Variants in BMP8B observed in about 807,000 individuals in gnomAD.
The protein encoded by BMP8B is bone morphogenetic protein 8b.
A neutral mutation model predicts 30.3 loss-of-function variants in BMP8B; 17 were observed. The observed-to-expected ratio is 0.56, with a 90% CI of 0.38 to 0.84. The LOEUF is 0.84. BMP8B is among the 40% of genes least tolerant of loss of function. The pLI, the probability that BMP8B is intolerant of heterozygous loss-of-function variation, is 0.00. For synonymous variants in BMP8B, 131 were observed against 214.7 expected (o/e 0.61, Z 3.41); for missense variants, 253 against 494.6 (o/e 0.51, Z 4.63).
In BMP8B at chr1:39,767,016, G is replaced by A. The variant is rs930330488; in HGVS notation, c.674-2199C>T. Among the ~76,000 whole-genome samples the A allele has an allele frequency of 2.0e-5, 3 of 152,278 alleles. No individual in the cohort carries two copies. The South Asian group carries it at 6.2e-4, about 31-fold the overall frequency. ...TCCCTGGGGAGCCCTGCCTGCCATG[G>A]GGCCTGAGAGGCCATCAGTCCTGCA... On this transcript the variant is annotated intron_variant, in intron 3 of 6. Transcript: ENST00000372827.
Position 39,771,303 on chromosome 1 carries a change from C to T in BMP8B, c.673+3005G>A, listed in dbSNP as rs778586931. 6.3e-6 allele frequency: 9 copies of T among 1,427,732 alleles called. No individual in the cohort carries two copies. In the South Asian group the frequency reaches 1.2e-4, roughly 19 times the overall value. 88.4% of individuals were successfully genotyped at this position (1,427,732 alleles called of 1,614,324 possible). A position where few individuals can be genotyped will look rare whatever the true frequency, so the allele number is the denominator to read the frequency against. ...GGACAGGTGGTGTGAGCCCTGCGTGCGCCTCGGGCCGCGCGTCACAGAGCA... is the reference window on the plus strand; with the variant it reads ...GGACAGGTGGTGTGAGCCCTGCGTGTGCCTCGGGCCGCGCGTCACAGAGCA... On this transcript the variant is annotated intron_variant, in intron 3 of 6. Coordinates refer to ENST00000372827, the MANE Select transcript of BMP8B (RefSeq NM_001720.5).
At chr1:39,762,517 G>A (rs1251512376) in intron 6 of BMP8B, 1 of 1,549,822 alleles carries the variant, frequency 6.5e-7, no homozygotes, top group South Asian at 1.2e-5. Flanking sequence ...GTCCTTTAAG[G>A]TTGCCCCAGA....
At chr1:39,778,996 A>C (rs767859624) in intron 1 of BMP8B, among the ~76,000 whole-genome samples, 3 of 152,168 alleles carry the variant, frequency 2.0e-5, no homozygotes, top group Non-Finnish European at 4.4e-5. Context: ...GAGGCCAAGG[A>C]GGGACAGAGG....
chr1:39,779,779 G>A (rs1354219899), intron 1 of BMP8B, among the ~76,000 whole-genome samples: 1 of 152,222 alleles, frequency 6.6e-6, no homozygotes, highest in Non-Finnish European at 1.5e-5. Context: ...TTCTGTTCAT[G>A]CTAACCTGAC....
chr1:39,776,079 G>A (rs1293096228), intron 1 of BMP8B, among the ~76,000 whole-genome samples: 1 of 152,298 alleles, frequency 6.6e-6, no homozygotes, highest in African/African-American at 2.4e-5. Context: ...TGCGCCTCTG[G>A]CCAGTGGGAA....
At chr1:39,768,395 C>A (rs1203548168) in intron 3 of BMP8B, among the ~76,000 whole-genome samples, 52 of 134,686 alleles carry the variant, frequency 3.9e-4, no homozygotes, top group African/African-American at 1.5e-3. Flanking sequence ...CTCAGTCTCT[C>A]CCATCACCCG....
At chr1:39,775,811 A>T (rs200033287) in intron 1 of BMP8B, among the ~76,000 whole-genome samples, 1 of 148,498 alleles carries the variant, frequency 6.7e-6, no homozygotes, top group South Asian at 2.1e-4. Flanking sequence ...GACAACTCCC[A>T]GAGAGGCCAG....
Position 39,757,283 on chromosome 1 carries a change from T to C in BMP8B, c.*3136A>G, listed in dbSNP as rs1648383538. The C allele has an allele frequency of 6.6e-6, 1 of 152,262 alleles. No individual in the cohort carries two copies. The highest frequency in any genetic ancestry group is 1.5e-5 in the Non-Finnish European group (1 of 68,042). The allele number at this position is 152,262 out of a possible 1,614,324, so 9.4% of individuals were successfully genotyped here. On this transcript the variant is annotated 3_prime_UTR_variant, in exon 7 of 7. Transcript: ENST00000372827. ...GCAAATACCTATTGTTAAGCATTTA[T>C]ATGTCAGACATCCCAAAGATTTGTG...
intron 1 of BMP8B, among the ~76,000 whole-genome samples, chr1:39,775,953 G>A (rs1447116080): frequency 5.9e-5 from 9 of 152,300 alleles, no homozygotes; most frequent in Admixed American, 3.3e-4. Context: ...CTAGGGAGAG[G>A]GGACCTCGCA....
chr1:39,763,426 G>A (rs1445216333), intron 5 of BMP8B, among the ~76,000 whole-genome samples: 6 of 107,086 alleles, frequency 5.6e-5, no homozygotes, highest in Non-Finnish European at 1.4e-4. Flanking sequence ...GCCTCCCAGA[G>A]CTGCAGTCGT....
chr1:39,762,353 G>C, intron 6 of BMP8B: 1 of 913,220 alleles, frequency 1.1e-6, no homozygotes, highest in Non-Finnish European at 1.6e-6. Context: ...CATCACCGTT[G>C]AACCTCCTAA....
chr1:39,763,539 C>CAAA, intron 5 of BMP8B, 173 bp downstream of exon 5: 1 of 935,702 alleles, frequency 1.1e-6, no homozygotes, highest in East Asian at 3.3e-5. Flanking sequence ...AAAAACTGAA[C>CAAA]AAAAAAAAAA....
At chr1:39,762,951 A>T (rs756817561) in intron 6 of BMP8B, 141 bp downstream of exon 6, 220 of 1,069,552 alleles carry the variant, frequency 2.1e-4, no homozygotes, top group Non-Finnish European at 2.2e-4. Flanking sequence ...GTGGGAAGTT[A>T]GCGACGTTAC....
chr1:39,763,574 T>C, intron 5 of BMP8B, 138 bp downstream of exon 5: 3 of 1,308,630 alleles, frequency 2.3e-6, no homozygotes, highest in Non-Finnish European at 3.1e-6. Flanking sequence ...ATTCTCACTT[T>C]AGAAAACTTG....
chr1:39,787,448 G>A (rs1231021952), intron 1 of BMP8B, among the ~76,000 whole-genome samples: 1 of 152,200 alleles, frequency 6.6e-6, no homozygotes, highest in East Asian at 1.9e-4. Context: ...AATAGCTCCA[G>A]GGTTTGATAC....
intron 6 of BMP8B, among the ~76,000 whole-genome samples, chr1:39,760,951 T>A (rs1257175275): frequency 6.6e-6 from 1 of 152,038 alleles, no homozygotes; most frequent in Non-Finnish European, 1.5e-5. Context: ...ACTTTCTTCT[T>A]TTGGCCCTTC....
chr1:39,760,052 G>A lies in BMP8B; in HGVS notation c.*367C>T, dbSNP rs1033047828. ...AACAGTGGGCTCCAGGTGCCTCTCA[G>A]GTCATTCCACATCTATCTCACGACC... On this transcript the variant is annotated 3_prime_UTR_variant, in exon 7 of 7. Coordinates refer to ENST00000372827, the MANE Select transcript of BMP8B (RefSeq NM_001720.5). 1.1e-5 allele frequency: 3 copies of A among 271,306 alleles called. No individual in the cohort carries two copies. The highest frequency in any genetic ancestry group is 6.6e-5 in the African/African-American group (3 of 45,684). 16.8% of individuals were successfully genotyped at this position (271,306 alleles called of 1,614,324 possible).
intron 5 of BMP8B, among the ~76,000 whole-genome samples, 193 bp downstream of exon 5, chr1:39,763,519 A>T (rs1247426234): frequency 2.1e-5 from 3 of 145,896 alleles, no homozygotes; most frequent in Non-Finnish European, 3.0e-5. Flanking sequence ...TCATGGTTTT[A>T]AAAAAAACAA....
chr1:39,767,279 A>G (rs1649680494), intron 3 of BMP8B, among the ~76,000 whole-genome samples: 1 of 151,954 alleles, frequency 6.6e-6, no homozygotes, highest in African/African-American at 2.4e-5. Context: ...AGAAGCAGAA[A>G]CTAAGGCCCA....
Sources: gnomAD v4.1 joint callset for allele counts (sites outside exome capture counted in the v4.1 genomes callset) on GRCh38, gnomAD v4.1.1 for gene constraint, MANE v1.5 for transcripts, NCBI Gene and HGNC (gene_info 2026-07-23, HGNC 2026-07-21) for gene names.